The following TH variants were observed in gnomAD, a reference collection of about 807,000 sequenced individuals.
TH encodes tyrosine hydroxylase.
TH carries 49 observed loss-of-function variants against 57.4 expected under a neutral mutation model. The observed-to-expected ratio is 0.85, with a 90% CI of 0.68 to 1.08. The LOEUF is 1.08. Ranked by LOEUF, TH falls within the 50% of genes least tolerant of loss-of-function variation. The probability of loss-of-function intolerance (pLI) is 0.00; values close to 1 mark genes in which losing one functional copy is unlikely to be tolerated. For synonymous variants in TH, 330 were observed against 304.5 expected, an observed-to-expected ratio of 1.08 and a Z score of -0.87; for missense variants, 720 against 696.7, an observed-to-expected ratio of 1.03 and a Z score of -0.38.
Position 2,166,929 on chromosome 11 carries a change from CT to C in TH, c.798del (p.Asp267ThrfsTer13), listed in dbSNP as rs1846110771. 6.2e-7 allele frequency: 1 copy of C among 1,602,292 alleles called. No homozygotes were observed. The highest frequency in any genetic ancestry group is 8.5e-7 in the Non-Finnish European group (1 of 1,175,692). ...ACGTCCTCCAGCTGGGGGATATTGT[CT>C]TCCCGGTAGCCGCTGAAGCGCTCCA... is the stretch of plus-strand genomic sequence containing the variant. ...ALLERFSGYR[E>X]DNIPQLEDVS... On this transcript the variant is annotated frameshift_variant, in exon 7 of 13. Transcript: ENST00000352909. LOFTEE classifies it high-confidence loss of function.
chr11:2,165,651 C>A lies in TH; in HGVS notation c.1200+17G>T. 1 of 1,611,976 alleles carries A rather than the reference C, an allele frequency of 6.2e-7. No individual in the cohort carries two copies. The highest frequency in any genetic ancestry group is 1.1e-5 in the South Asian group (1 of 91,054). On this transcript the variant is annotated intron_variant, in intron 11 of 12. Transcript: ENST00000352909. ...CCTGCCCCTCTGCTGGGGGCTGCAG[C>A]AAGGAGAGACTCTCACCAGGAGCTC...
intron 5 of TH, 52 bp from the exon 6 acceptor site, chr11:2,167,537 G>A: frequency 6.6e-7 from 1 of 1,525,074 alleles, no homozygotes; most frequent in Non-Finnish European, 8.9e-7. Context: ...GAGAAGGGCA[G>A]GAGGGAGGGA....
Position 2,166,470 on chromosome 11 carries a change from C to CGCG in TH, c.1047+7_1047+9dup. On this transcript the variant is annotated intron_variant, in intron 9 of 12. Transcript: ENST00000352909. ...GGGTGACCCCGGCTCCCTCCGAGGC[C>CGCG]GCGGCGTACCTGCGAGAACTGCGCG... 6.4e-7 allele frequency: 1 copy of CGCG among 1,573,070 alleles called. No individual in the cohort carries two copies. Among genetic ancestry groups the CGCG allele is most frequent in the Non-Finnish European group, 8.6e-7 (1 of 1,167,702 alleles).
At position 2,167,663 on chromosome 11, in the gene TH, C is replaced by T. The variant is rs536490367; in HGVS notation, c.645-178G>A. 5.3e-4 allele frequency: 565 copies of T among 1,062,126 alleles called. 3 individuals are homozygous for T. The Middle Eastern group carries it at 0.014, about 26-fold the overall frequency. The allele number at this position is 1,062,126 out of a possible 1,614,324, so 65.8% of individuals were successfully genotyped here. ...GTGCCGTGAGCCGGCTATGTGGCCT[C>T]GGCAGGTTGCTCTAGCCCCCCTGGG... On this transcript the variant is annotated intron_variant, in intron 5 of 12. Coordinates refer to ENST00000352909, the MANE Select transcript of TH (RefSeq NM_000360.4).
chr11:2,168,962 C>A (rs1846178893), intron 2 of TH, among the ~76,000 whole-genome samples: 1 of 152,214 alleles, frequency 6.6e-6, no homozygotes, highest in African/African-American at 2.4e-5. Context: ...GGCCATGCCA[C>A]ACAGTCCGGC....
In TH at chr11:2,165,298, T is replaced by C. The variant is rs1309019546; in HGVS notation, c.1268A>G (p.Gln423Arg). The C allele has an allele frequency of 6.2e-7, 1 of 1,612,744 alleles. No individual in the cohort carries two copies. The highest frequency in any genetic ancestry group is 1.6e-4 in the Middle Eastern group (1 of 6,062). The change falls in exon 12 of 13, where the codon CAA becomes CGA. Residue 423 changes from glutamine to arginine, a missense_variant. By Grantham distance (43) the Gln-to-Arg change is conservative. Transcript: ENST00000352909. ...DPEAAAVQPY[Q>R]DQTYQSVYFV... ...GTAGACTGACTGGTACGTCTGGTCT[T>C]GGTAGGGCTGCACGGCCGCAGCCTC...
intron 5 of TH, 169 bp downstream of exon 5, chr11:2,167,697 T>TC: frequency 2.7e-6 from 3 of 1,118,910 alleles, no homozygotes; most frequent in Non-Finnish European, 3.9e-6. Flanking sequence ...GGCCTCAGTT[T>TC]CCCCACTGGG....
In TH at chr11:2,168,572, C is replaced by G. The variant is rs142046543; in HGVS notation, c.406G>C (p.Val136Leu). ...AGGGCGGCCAGGTCCCCTCGGCGCACCTCGAGGCGCACGAAGTACTCCAGG... is the reference window on the plus strand; with the variant it reads ...AGGGCGGCCAGGTCCCCTCGGCGCAGCTCGAGGCGCACGAAGTACTCCAGG... ...PHLEYFVRLE[V>L]RRGDLAALLS... is the part of the protein sequence containing the mutation. Residue 136 changes from valine to leucine, a missense_variant, in exon 3 of 13, where the codon GTG becomes CTG. Val to Leu is a conservative substitution (Grantham distance 32, BLOSUM62 1). Coordinates refer to ENST00000352909, the MANE Select transcript of TH (RefSeq NM_000360.4). 2 of 1,611,688 alleles carry G rather than the reference C, an allele frequency of 1.2e-6. No homozygotes were observed. Among genetic ancestry groups the G allele is most frequent in the African/African-American group, 2.7e-5 (2 of 74,898 alleles).
At position 2,170,601 on chromosome 11, in the gene TH, GAGA is replaced by G. The variant is rs537621613; in HGVS notation, c.91-733_91-731del. On this transcript the variant is annotated intron_variant, in intron 1 of 12. Transcript: ENST00000352909. The surrounding 1 kb of genome is among the most constrained non-coding windows in gnomAD (Gnocchi z 6.0). ...CAAGAAGGCTCTGGGCCCCTTGTAA[GAGA>G]AGAATCAGCTTCATCCTGAGCTTCC... The G allele has an allele frequency of 1.9e-4, 226 of 1,189,656 alleles. 1 individual carries two copies. In the African/African-American group the frequency reaches 2.4e-3, roughly 13 times the overall value. The allele number at this position is 1,189,656 out of a possible 1,614,324, so 73.7% of individuals were successfully genotyped here.
chr11:2,170,790 T>TG lies in TH; in HGVS notation c.90+906dup. The TG allele has an allele frequency of 2.0e-6, 1 of 501,856 alleles. No homozygotes were observed. The highest frequency in any genetic ancestry group is 4.7e-5 in the South Asian group (1 of 21,206). 31.1% of individuals were successfully genotyped at this position (501,856 alleles called of 1,614,324 possible). The stretch of plus-strand genomic sequence containing the variant: ...GGCGCCCTGGGGAGGGGATGCCTGA[T>TG]GGGGAGCCTGGTGGGGGAGGGTAGG... On this transcript the variant is annotated intron_variant, in intron 1 of 12. Transcript: ENST00000352909. This position sits in a 1 kb window ranked among gnomAD's most constrained non-coding sequence, Gnocchi z 6.0.
Position 2,171,700 on chromosome 11 carries a change from G to C in TH, c.87C>G (p.Ile29Met), listed in dbSNP as rs1846263292. 6.8e-6 allele frequency: 11 copies of C among 1,612,106 alleles called. No individual in the cohort carries two copies. Among genetic ancestry groups the C allele is most frequent in the Non-Finnish European group, 9.3e-6 (11 of 1,179,820 alleles). The stretch of plus-strand genomic sequence containing the variant: ...GGGCACCTACCTGCCCTCTTACCAT[G>C]ATGGCCTCTGCCTGCTTGGCGTCCA... ...SELDAKQAEAIMSPRFIGRRQ... is the reference protein window; with the variant it reads ...SELDAKQAEAMMSPRFIGRRQ... Residue 29 changes from isoleucine to methionine, a missense_variant, in exon 1 of 13, where the codon ATC (isoleucine) becomes ATG (methionine). By Grantham distance (10) the Ile-to-Met change is conservative. Coordinates refer to ENST00000352909, the MANE Select transcript of TH (RefSeq NM_000360.4). The surrounding 1 kb of genome is among the most constrained non-coding windows in gnomAD (Gnocchi z 8.6).
chr11:2,167,307 G>T, intron 6 of TH, 128 bp downstream of exon 6: 1 of 1,180,692 alleles, frequency 8.5e-7, no homozygotes, highest in Non-Finnish European at 1.2e-6. Context: ...AGCCCTGCAA[G>T]TCCCTCTTCT....
intron 10 of TH, 33 bp downstream of exon 10, chr11:2,165,969 C>A (rs1846078724): frequency 3.9e-6 from 6 of 1,554,094 alleles, no homozygotes; most frequent in Non-Finnish European, 5.2e-6. Flanking sequence ...CCCAAACCCA[C>A]ACCCCAGGCC....
chr11:2,170,550 G>A lies in TH; in HGVS notation c.91-679C>T. On this transcript the variant is annotated intron_variant, in intron 1 of 12. Transcript: ENST00000352909. This position sits in a 1 kb window ranked among gnomAD's most constrained non-coding sequence, Gnocchi z 6.0. ...CAGAGGGGGACTTGGCAGACACCTG[G>A]GGCTCATCCCTTGGAGCTGAACTCC... 1 of 814,210 alleles carries A rather than the reference G, an allele frequency of 1.2e-6. No individual in the cohort carries two copies. Among genetic ancestry groups the A allele is most frequent in the Non-Finnish European group, 2.1e-6 (1 of 486,066 alleles). 50.4% of individuals were successfully genotyped at this position (814,210 alleles called of 1,614,324 possible).
Position 2,168,753 on chromosome 11 carries a change from C to T in TH, c.313-88G>A, listed in dbSNP as rs4930043. On this transcript the variant is annotated intron_variant, in intron 2 of 12. Coordinates refer to ENST00000352909, the MANE Select transcript of TH (RefSeq NM_000360.4). ...TGGGGTGGGCGGGGAGGAGGCACAT[C>T]TGGCTGGCTGGCCAGGCCCTGCCCT... 0.12 allele frequency: 112,167 copies of T among 920,418 alleles called. 16,110 individuals are homozygous for T. Among genetic ancestry groups the T allele is most frequent in the Admixed American group, 0.17 (7,855 of 46,456 alleles). 57.0% of individuals were successfully genotyped at this position (920,418 alleles called of 1,614,324 possible). A position where few individuals can be genotyped will look rare whatever the true frequency, so the allele number is the denominator to read the frequency against.
Position 2,170,680 on chromosome 11 carries a change from T to A in TH, c.91-809A>T, listed in dbSNP as rs1462871091. ...AGCAGAAGCCCCTCCCAGAGTCCCC[T>A]CTTACTTACCCTTGGGGTGGGGGTG... On this transcript the variant is annotated intron_variant, in intron 1 of 12. Coordinates refer to ENST00000352909, the MANE Select transcript of TH (RefSeq NM_000360.4). This position sits in a 1 kb window ranked among gnomAD's most constrained non-coding sequence, Gnocchi z 6.0. The A allele has an allele frequency of 6.3e-7, 1 of 1,599,902 alleles. No homozygotes were observed. The highest frequency in any genetic ancestry group is 8.5e-7 in the Non-Finnish European group (1 of 1,173,898).
chr11:2,169,357 C>A (rs1846189742), intron 2 of TH, among the ~76,000 whole-genome samples: 1 of 152,098 alleles, frequency 6.6e-6, no homozygotes, highest in Non-Finnish European at 1.5e-5. Flanking sequence ...TGCTGGGAGC[C>A]CCCCACGTGG....
Position 2,168,534 on chromosome 11 carries a change from C to T in TH, c.444G>A (p.Val148=), listed in dbSNP as rs752904507. ...RGDLAALLSG[V]RQVSEDVRSP... Reference sequence around the variant, plus strand: ...TGCGCACGTCCTCTGACACCTGGCGCACACCACTGAGCAGGGCGGCCAGGT... The same window carrying T: ...TGCGCACGTCCTCTGACACCTGGCGTACACCACTGAGCAGGGCGGCCAGGT... The change falls in exon 3 of 13, where the codon GTG becomes GTA. Residue 148 remains valine, a synonymous_variant. Transcript: ENST00000352909. The T allele has an allele frequency of 1.9e-6, 3 of 1,612,290 alleles. No individual in the cohort carries two copies. Among genetic ancestry groups the T allele is most frequent in the Non-Finnish European group, 2.5e-6 (3 of 1,179,830 alleles).
rs751702426 is a variant in TH, at chr11:2,168,584, C to T, written c.394G>A (p.Val132Met). 71 of 1,611,752 alleles carry T rather than the reference C, an allele frequency of 4.4e-5. No individual in the cohort carries two copies. The highest frequency in any genetic ancestry group is 3.4e-4 in the Middle Eastern group (2 of 5,966). The change falls in exon 3 of 13, where the codon GTG becomes ATG. Residue 132 changes from valine (V) to methionine (M), a missense_variant. By Grantham distance (21) the Val-to-Met change is conservative. Coordinates refer to ENST00000352909, the MANE Select transcript of TH (RefSeq NM_000360.4). The part of the protein sequence containing the change: ...RAGGPHLEYF[V>M]RLEVRRGDLA... ...TCCCCTCGGCGCACCTCGAGGCGCACGAAGTACTCCAGGTGGGGGCCCCCA... is the reference window on the plus strand; with the variant it reads ...TCCCCTCGGCGCACCTCGAGGCGCATGAAGTACTCCAGGTGGGGGCCCCCA...
Sources: gnomAD v4.1 joint callset for allele counts (sites outside exome capture counted in the v4.1 genomes callset) on GRCh38, gnomAD v4.1.1 for gene constraint, Gnocchi (gnomAD v3.1) non-coding constraint, MANE v1.5 for transcripts, NCBI Gene and HGNC (gene_info 2026-07-23, HGNC 2026-07-21) for gene names.